Variants in ANGPT4 observed in about 807,000 individuals in gnomAD.
ANGPT4 encodes the protein angiopoietin-4.
In ANGPT4, 50 loss-of-function variants were observed where a neutral mutation model predicts 53.0. The ratio of observed to expected loss-of-function variants is 0.94; its 90% CI spans 0.75 to 1.20. The LOEUF (loss-of-function observed/expected upper bound fraction) is 1.20. Among genes scored for constraint, ANGPT4 ranks in the 50% most tolerant of loss-of-function variants. ANGPT4 has a pLI of 0.00. For missense variants in ANGPT4, 648 were observed against 637.1 expected, an observed-to-expected ratio of 1.02 and a Z score of -0.18; for synonymous variants, 251 against 259.7, an observed-to-expected ratio of 0.97 and a Z score of 0.32.
chr20:884,501 C>A (rs529156721), intron 4 of ANGPT4, among the ~76,000 whole-genome samples: 1 of 152,198 alleles, frequency 6.6e-6, no homozygotes, highest in Non-Finnish European at 1.5e-5. Flanking sequence ...GCCTTGGACA[C>A]CCCAAGTAGG....
At chr20:903,575 C>A (rs903052675) in intron 1 of ANGPT4, among the ~76,000 whole-genome samples, 4 of 152,206 alleles carry the variant, frequency 2.6e-5, no homozygotes, top group African/African-American at 9.7e-5. Context: ...GCCTTGGGTC[C>A]CGTGTGGCTT....
At chr20:915,769 A>T in intron 1 of ANGPT4, 137 bp downstream of exon 1, 1 of 1,138,406 alleles carries the variant, frequency 8.8e-7, no homozygotes, top group Non-Finnish European at 1.2e-6. Context: ...CCTCAGACCC[A>T]CCCCTGCCCC....
At chr20:902,314 A>T (rs559083817) in intron 1 of ANGPT4, among the ~76,000 whole-genome samples, 1 of 152,148 alleles carries the variant, frequency 6.6e-6, no homozygotes, top group Non-Finnish European at 1.5e-5. Context: ...CTGTGAATAG[A>T]ATTCAAGGAA....
intron 1 of ANGPT4, among the ~76,000 whole-genome samples, chr20:905,208 G>A (rs1982431881): frequency 6.6e-6 from 1 of 152,174 alleles, no homozygotes; most frequent in African/African-American, 2.4e-5. Context: ...CTTCTACACA[G>A]TACTTCATGC....
rs974366515 is a variant in ANGPT4, at chr20:872,908, G to C, written c.*52C>G. ...GCATCTGGGTCCAGGTTGTCCAGGAGTGCCAAGTCCGAGCTTCTCCTGTGT... is the reference window on the plus strand; with the variant it reads ...GCATCTGGGTCCAGGTTGTCCAGGACTGCCAAGTCCGAGCTTCTCCTGTGT... On this transcript the variant is annotated 3_prime_UTR_variant, in exon 9 of 9. Transcript: ENST00000381922. 1.2e-6 allele frequency: 2 copies of C among 1,605,674 alleles called. No individual in the cohort carries two copies. The highest frequency in any genetic ancestry group is 8.5e-7 in the Non-Finnish European group (1 of 1,175,306).
chr20:905,905 T>A (rs1258901455), intron 1 of ANGPT4, among the ~76,000 whole-genome samples: 1 of 152,154 alleles, frequency 6.6e-6, no homozygotes, highest in African/African-American at 2.4e-5. Context: ...ATTGTCACCA[T>A]TTTACAGATG....
chr20:891,859 G>A (rs1981860296), intron 1 of ANGPT4, among the ~76,000 whole-genome samples: 1 of 152,194 alleles, frequency 6.6e-6, no homozygotes, highest in African/African-American at 2.4e-5. Context: ...TTCTCCAAGT[G>A]TGGTTCTTCC....
chr20:906,058 G>A (rs1369036057), intron 1 of ANGPT4, among the ~76,000 whole-genome samples: 2 of 152,202 alleles, frequency 1.3e-5, no homozygotes, highest in African/African-American at 2.4e-5. Flanking sequence ...ATGACCCCAG[G>A]GATCCTGGTG....
At chr20:873,353 C>T (rs946460536) in intron 8 of ANGPT4, among the ~76,000 whole-genome samples, 1 of 152,094 alleles carries the variant, frequency 6.6e-6, no homozygotes, top group African/African-American at 2.4e-5. Context: ...TCCTCGAGCC[C>T]CCTTGCTCCT....
rs953311251 is a variant in ANGPT4, at chr20:916,074, G to C, written c.141C>G (p.Phe47Leu). Residue 47 changes from phenylalanine to leucine, a missense_variant, in exon 1 of 9, where the codon TTC becomes TTG. Transcript: ENST00000381922. ...GGCAGGGCTCAGACTTGGGCAGCAA[G>C]AAGGTGTAGCTACAGTGGCCGTGCT... ...VVQHGHCSYT[F>L]LLPKSEPCPP... The C allele has an allele frequency of 1.2e-6, 2 of 1,614,102 alleles. No individual in the cohort carries two copies. The highest frequency in any genetic ancestry group is 1.3e-5 in the African/African-American group (1 of 74,946).
In ANGPT4 at chr20:874,378, G is replaced by T. The variant is rs761808782; in HGVS notation, c.1257C>A (p.Arg419=). The change falls in exon 8 of 9, where the codon CGC becomes CGA. Residue 419 remains arginine, a synonymous_variant. Transcript: ENST00000381922. ...TGTTCTGCAGGACCAGGCTGCTCTG[G>T]CGCCCTGCTGAGCCGCTGTACCCGA... ...SVVGYSGSAG[R]QSSLVLQNTS... 2.5e-6 allele frequency: 4 copies of T among 1,613,866 alleles called. No homozygotes were observed. Among genetic ancestry groups the T allele is most frequent in the Non-Finnish European group, 3.4e-6 (4 of 1,180,038 alleles).
intron 7 of ANGPT4, among the ~76,000 whole-genome samples, chr20:876,667 G>T (rs1981183830): frequency 6.6e-6 from 1 of 152,242 alleles, no homozygotes; most frequent in African/African-American, 2.4e-5. Flanking sequence ...ACTCAGGGAA[G>T]TAGGGATGGA....
chr20:904,791 C>T (rs56303988), intron 1 of ANGPT4, among the ~76,000 whole-genome samples: 7,132 of 152,166 alleles, frequency 0.047, 496 homozygotes, highest in African/African-American at 0.15. Context: ...CAGGCCCAGC[C>T]AATTTTTCAG....
chr20:891,219 G>C (rs1055699352), intron 1 of ANGPT4, among the ~76,000 whole-genome samples: 2 of 152,314 alleles, frequency 1.3e-5, no homozygotes, highest in Admixed American at 6.5e-5. Context: ...AGCCAGCAGG[G>C]AGTGGGAATG....
intron 5 of ANGPT4, 26 bp from the exon 6 acceptor site, chr20:879,874 TG>T: frequency 6.3e-7 from 1 of 1,588,850 alleles, no homozygotes; most frequent in Non-Finnish European, 8.6e-7. Context: ...AAGGCACAGC[TG>T]GGAGCCCTTG....
At chr20:910,166 C>T (rs1260562107) in intron 1 of ANGPT4, among the ~76,000 whole-genome samples, 3 of 152,150 alleles carry the variant, frequency 2.0e-5, no homozygotes, top group African/African-American at 7.2e-5. Context: ...GCTGTAAGAT[C>T]TTGGGCAAGT....
At chr20:891,162 A>T (rs1423938584) in intron 1 of ANGPT4, among the ~76,000 whole-genome samples, 2 of 152,220 alleles carry the variant, frequency 1.3e-5, no homozygotes, top group African/African-American at 2.4e-5. Context: ...GGGTCAGAGC[A>T]CAGCGCCCAA....
chr20:902,005 A>C lies in ANGPT4; in HGVS notation c.310-11637T>G, dbSNP rs368355498. Reference sequence around the variant, plus strand: ...CTGTCATGCTTATGAGTAAAAAAAGAAACCAAGAGGCAGAACACTATATAC... The same window carrying C: ...CTGTCATGCTTATGAGTAAAAAAAGCAACCAAGAGGCAGAACACTATATAC... On this transcript the variant is annotated intron_variant, in intron 1 of 8. Coordinates refer to ENST00000381922, the MANE Select transcript of ANGPT4 (RefSeq NM_015985.4). Among the ~76,000 whole-genome samples the C allele has an allele frequency of 8.5e-5, 13 of 152,354 alleles. No individual in the cohort carries two copies. The South Asian group carries it at 2.1e-3, about 24-fold the overall frequency.
chr20:894,308 C>T (rs1378371067), intron 1 of ANGPT4, among the ~76,000 whole-genome samples: 3 of 152,214 alleles, frequency 2.0e-5, no homozygotes, highest in Non-Finnish European at 4.4e-5. Context: ...CCAGCTAGCC[C>T]TGTCTCTCAG....
Sources: allele counts gnomAD v4.1 joint callset (sites outside exome capture counted in the v4.1 genomes callset), GRCh38; gene constraint gnomAD v4.1.1; transcripts MANE v1.5; gene names NCBI Gene and HGNC (gene_info 2026-07-23, HGNC 2026-07-21).